ZDHHC16: variants seen among roughly 807,000 people sequenced by gnomAD.
ZDHHC16 encodes the protein zDHHC palmitoyltransferase 16.
A neutral mutation model predicts 54.4 loss-of-function variants in ZDHHC16; 33 were observed. That is an observed-to-expected ratio of 0.61 (90% CI 0.46 to 0.81). The LOEUF (loss-of-function observed/expected upper bound fraction) is 0.81. Ranked by LOEUF, ZDHHC16 falls within the 30% of genes least tolerant of loss-of-function variation. The pLI, the probability that ZDHHC16 is intolerant of heterozygous loss-of-function variation, is 0.00. For synonymous variants in ZDHHC16, 185 were observed against 182.1 expected, an observed-to-expected ratio of 1.02 and a Z score of -0.13; for missense variants, 420 against 485.9, an observed-to-expected ratio of 0.86 and a Z score of 1.28.
intron 1 of ZDHHC16, among the ~76,000 whole-genome samples, chr10:97,449,370 A>G (rs1004260260): frequency 6.6e-6 from 1 of 152,210 alleles, no homozygotes; most frequent in African/African-American, 2.4e-5. Flanking sequence ...TAGAAAGGGA[A>G]TGAACAGCAG....
At chr10:97,449,592 G>A (rs965399193) in intron 1 of ZDHHC16, among the ~76,000 whole-genome samples, 3 of 152,088 alleles carry the variant, frequency 2.0e-5, no homozygotes, top group African/African-American at 7.2e-5. Flanking sequence ...GCACTGGCGC[G>A]ATCTTGGCTC....
At chr10:97,452,603 C>T (rs1846750063) in intron 5 of ZDHHC16, 100 bp downstream of exon 5, 1 of 1,279,276 alleles carries the variant, frequency 7.8e-7, no homozygotes, top group Admixed American at 2.2e-5. Context: ...GGTGAATCAC[C>T]CATCGTGTCC....
Position 97,446,211 on chromosome 10 carries a change from C to A in ZDHHC16, c.-328C>A. On this transcript the variant is annotated 5_prime_UTR_variant, in exon 1 of 12. It adds an upstream start codon to the 5' untranslated region. Transcript: ENST00000393760. ...TGGGCTGGCGGCGGGTCCGGGTCCGCTGCCTGGCGCTGCGGGCGGCGGGCC... is the reference window on the plus strand; with the variant it reads ...TGGGCTGGCGGCGGGTCCGGGTCCGATGCCTGGCGCTGCGGGCGGCGGGCC... 1 of 636,534 alleles carries A rather than the reference C, an allele frequency of 1.6e-6. No individual in the cohort carries two copies. The highest frequency in any genetic ancestry group is 2.9e-5 in the Admixed American group (1 of 34,850). 39.4% of individuals were successfully genotyped at this position (636,534 alleles called of 1,614,324 possible). A position where few individuals can be genotyped will look rare whatever the true frequency, so the allele number is the denominator to read the frequency against.
chr10:97,448,171 T>A (rs1846278620), intron 1 of ZDHHC16: 1 of 152,266 alleles, frequency 6.6e-6, no homozygotes, highest in Admixed American at 6.5e-5. Context: ...CAGTTTGTAT[T>A]TCTCTCTTTA....
rs1162516869 is a variant in ZDHHC16 at position 97,454,824 on chromosome 10, G to A, written c.824+25G>A. On this transcript the variant is annotated intron_variant, in intron 9 of 11. Transcript: ENST00000393760. Reference sequence around the variant, plus strand: ...GGTATTTGTTTTTGATAGTTTTAAGGGAGGGGAAGCTTCAGAAAAAAAGTT... The same window carrying A: ...GGTATTTGTTTTTGATAGTTTTAAGAGAGGGGAAGCTTCAGAAAAAAAGTT... The A allele has an allele frequency of 3.1e-6, 5 of 1,610,208 alleles. No individual in the cohort carries two copies. In the South Asian group the frequency reaches 5.5e-5, roughly 18 times the overall value.
Position 97,452,168 on chromosome 10 carries a change from C to T in ZDHHC16, c.322C>T (p.Arg108Ter), listed in dbSNP as rs772604399. 17 of 1,614,014 alleles carry T rather than the reference C, an allele frequency of 1.1e-5. No homozygotes were observed. The highest frequency in any genetic ancestry group is 1.4e-5 in the Non-Finnish European group (16 of 1,180,044). The change falls in exon 4 of 12, where the codon CGA (arginine) becomes TGA (stop). Residue 108 changes from arginine to a stop codon, truncating the protein, a stop_gained. Coordinates refer to ENST00000393760, the MANE Select transcript of ZDHHC16 (RefSeq NM_198046.3). LOFTEE classifies it high-confidence loss of function. ...AYLCVLPLIL[R>*]TYSVPRLCWH... is the part of the protein sequence containing the mutation. Reference sequence around the variant, plus strand: ...CCTGTGTGTCCTGCCTCTCATCCTCCGAACCTACTCAGTGCCACGACTCTG... The same window carrying T: ...CCTGTGTGTCCTGCCTCTCATCCTCTGAACCTACTCAGTGCCACGACTCTG...
At chr10:97,453,212 C>T (rs914305103) in intron 6 of ZDHHC16, among the ~76,000 whole-genome samples, 4 of 152,106 alleles carry the variant, frequency 2.6e-5, no homozygotes, top group Non-Finnish European at 2.9e-5. Flanking sequence ...CAGATAGAAC[C>T]GTGGGTCTCC....
At chr10:97,450,319 G>A (rs1274726826) in intron 1 of ZDHHC16, 38 bp from the exon 2 acceptor site, 1 of 152,528 alleles carries the variant, frequency 6.6e-6, no homozygotes, top group East Asian at 1.9e-4. Context: ...GGCTTACAGG[G>A]CTTGTGCAAG....
chr10:97,457,045 T>C lies in ZDHHC16; in HGVS notation c.*154T>C, dbSNP rs1847343549. On this transcript the variant is annotated 3_prime_UTR_variant, in exon 12 of 12. Transcript: ENST00000393760. Reference sequence around the variant, plus strand: ...CAGGACAATTCAAGGACCAGCCTTTTTACCACTGCAGAAGAAAGACACAAT... The same window carrying C: ...CAGGACAATTCAAGGACCAGCCTTTCTACCACTGCAGAAGAAAGACACAAT... 1 of 466,890 alleles carries C rather than the reference T, an allele frequency of 2.1e-6. No individual in the cohort carries two copies. Among genetic ancestry groups the C allele is most frequent in the Non-Finnish European group, 3.7e-6 (1 of 267,054 alleles). The allele number at this position is 466,890 out of a possible 1,614,324, so 28.9% of individuals were successfully genotyped here.
chr10:97,455,593 C>T (rs1311451655), intron 9 of ZDHHC16, 67 bp from the exon 10 acceptor site: 1 of 1,612,422 alleles, frequency 6.2e-7, no homozygotes, highest in Non-Finnish European at 8.5e-7. Context: ...CTGCTTAGCT[C>T]AATTTCAGAC....
At position 97,454,777 on chromosome 10, in the gene ZDHHC16, G is replaced by A; in HGVS notation, c.802G>A (p.Val268Ile). 6.2e-7 allele frequency: 1 copy of A among 1,614,140 alleles called. No homozygotes were observed. The highest frequency in any genetic ancestry group is 8.5e-7 in the Non-Finnish European group (1 of 1,180,030). The part of the protein sequence containing the change: ...FRERMTHKSL[V>I]YLWFLCSSVA... ...AGAAAGGATGACTCACAAGAGTCTT[G>A]TCTACCTCTGGTTCCTGTGCAGGTA... is the stretch of plus-strand genomic sequence containing the variant. Residue 268 changes from valine (V) to isoleucine (I), a missense_variant, in exon 9 of 12, where the codon GTC (valine) becomes ATC (isoleucine). Coordinates refer to ENST00000393760, the MANE Select transcript of ZDHHC16 (RefSeq NM_198046.3).
chr10:97,448,066 G>C (rs915437466), intron 1 of ZDHHC16: 1 of 152,202 alleles, frequency 6.6e-6, no homozygotes, highest in Non-Finnish European at 1.5e-5. Flanking sequence ...GTATCTGTGC[G>C]TCTAGGAGCT....
chr10:97,453,671 C>T lies in ZDHHC16; in HGVS notation c.690+8C>T, dbSNP rs1846871122. On this transcript the variant is annotated splice_region_variant and intron_variant, in intron 7 of 11. Coordinates refer to ENST00000393760, the MANE Select transcript of ZDHHC16 (RefSeq NM_198046.3). ...GCTTATGCTGCCATTGAGGTGAGCT[C>T]ATCAGGAACAGGGCAGCTCAGTAGT... is the stretch of plus-strand genomic sequence containing the variant. 1 of 1,614,162 alleles carries T rather than the reference C, an allele frequency of 6.2e-7. No homozygotes were observed.
intron 1 of ZDHHC16, among the ~76,000 whole-genome samples, chr10:97,447,935 A>AG (rs1417849539): frequency 6.6e-6 from 1 of 152,136 alleles, no homozygotes; most frequent in Non-Finnish European, 1.5e-5. Flanking sequence ...AAAAAAAAAA[A>AG]AAAGAAAAGT....
At position 97,452,137 on chromosome 10, in the gene ZDHHC16, C is replaced by T. The variant is rs747733474; in HGVS notation, c.291C>T (p.Ile97=). Residue 97 remains isoleucine (I), a synonymous_variant, in exon 4 of 12, where the codon ATC becomes ATT. Coordinates refer to ENST00000393760, the MANE Select transcript of ZDHHC16 (RefSeq NM_198046.3). ...TGCTGACAGGCTCCATTGTAGCTAT[C>T]GCCTACCTGTGTGTCCTGCCTCTCA... ...VIVLTGSIVA[I]AYLCVLPLIL... The T allele has an allele frequency of 6.8e-6, 11 of 1,613,942 alleles. No individual in the cohort carries two copies. In the Admixed American group the frequency reaches 1.5e-4, roughly 22 times the overall value.
At position 97,452,451 on chromosome 10, in the gene ZDHHC16, A is replaced by C; in HGVS notation, c.475A>C (p.Lys159Gln). Residue 159 changes from lysine to glutamine, a missense_variant, in exon 5 of 12, where the codon AAG (lysine) becomes CAG (glutamine). Lys to Gln is a moderately conservative substitution (Grantham distance 53). Transcript: ENST00000393760. ...TATCGCCACCGTCTCCATCTGTAAG[A>C]AGTGCATTTACCCCAAGCCAGCCCG... ...NDIATVSICK[K>Q]CIYPKPARTH... 6.2e-7 allele frequency: 1 copy of C among 1,614,164 alleles called. No individual in the cohort carries two copies. The highest frequency in any genetic ancestry group is 8.5e-7 in the Non-Finnish European group (1 of 1,180,016).
intron 1 of ZDHHC16, among the ~76,000 whole-genome samples, chr10:97,449,171 C>T (rs78868796): frequency 0.021 from 3,196 of 150,800 alleles, 112 homozygotes; most frequent in African/African-American, 0.074. Flanking sequence ...TTTCCTGCAG[C>T]GCTGAAGAAT....
At chr10:97,450,899 C>T (rs1312545356) in intron 2 of ZDHHC16, 1 of 152,230 alleles carries the variant, frequency 6.6e-6, no homozygotes, top group Non-Finnish European at 1.5e-5. Context: ...GTGTTCTGCT[C>T]AGAATACCTG....
At chr10:97,455,897 CTCTA>C (rs1453325043) in intron 10 of ZDHHC16, 73 bp from the exon 11 acceptor site, 40 of 1,606,792 alleles carry the variant, frequency 2.5e-5, no homozygotes, top group Admixed American at 2.0e-4. Context: ...GCCAGAACTA[CTCTA>C]TCTGAGCTTT....
Sources: gnomAD v4.1 joint callset for allele counts (sites outside exome capture counted in the v4.1 genomes callset) on GRCh38, gnomAD v4.1.1 for gene constraint, MANE v1.5 for transcripts, NCBI Gene and HGNC (gene_info 2026-07-23, HGNC 2026-07-21) for gene names.